Variants in CNTN4 observed in about 807,000 individuals in gnomAD.
CNTN4 encodes the protein contactin-4.
A neutral mutation model predicts 122.5 loss-of-function variants in CNTN4; 77 were observed. That is an observed-to-expected ratio of 0.63 (90% CI 0.52 to 0.76). CNTN4 has a LOEUF of 0.76. Among genes scored for constraint, CNTN4 ranks in the 30% least tolerant of loss-of-function variants. CNTN4 has a pLI of 0.00. For synonymous variants in CNTN4, 512 were observed against 447.0 expected (o/e 1.15, Z -1.83); for missense variants, 1,256 against 1,259.1 (o/e 1.00, Z 0.04).
intron 5 of CNTN4, among the ~76,000 whole-genome samples, chr3:2,738,663 T>C (rs2089282110): frequency 6.6e-6 from 1 of 152,122 alleles, no homozygotes; most frequent in Admixed American, 6.5e-5. Context: ...ATGACAACAT[T>C]AGAAACAAAT....
chr3:2,593,814 G>C (rs2080622294), intron 4 of CNTN4, among the ~76,000 whole-genome samples: 1 of 152,084 alleles, frequency 6.6e-6, no homozygotes, highest in African/African-American at 2.4e-5. Context: ...AAGAGAAGTG[G>C]AGGCTATGTC....
chr3:2,231,445 A>G (rs1174009626), intron 2 of CNTN4, among the ~76,000 whole-genome samples: 1 of 152,188 alleles, frequency 6.6e-6, no homozygotes, highest in Non-Finnish European at 1.5e-5. Flanking sequence ...TATATTTTTA[A>G]CCTAACTGGC....
At chr3:2,145,356 C>T (rs2035194630) in intron 2 of CNTN4, among the ~76,000 whole-genome samples, 2 of 152,188 alleles carry the variant, frequency 1.3e-5, no homozygotes, top group African/African-American at 4.8e-5. Context: ...GGTCATGTTG[C>T]AGGCCTAGCA....
intron 3 of CNTN4, among the ~76,000 whole-genome samples, chr3:2,360,013 A>G (rs1354869928): frequency 6.6e-6 from 1 of 152,206 alleles, no homozygotes; most frequent in African/African-American, 2.4e-5. Context: ...TAATCTACAG[A>G]CTTAGAAGGA....
At chr3:2,237,091 CTA>C (rs2039708716) in intron 2 of CNTN4, among the ~76,000 whole-genome samples, 1 of 152,010 alleles carries the variant, frequency 6.6e-6, no homozygotes, top group African/African-American at 2.4e-5. Context: ...GGCCTTTTCT[CTA>C]TGAGTAATGG....
chr3:2,814,343 G>A (rs938387820), intron 6 of CNTN4, among the ~76,000 whole-genome samples: 1 of 152,140 alleles, frequency 6.6e-6, no homozygotes, highest in Admixed American at 6.6e-5. Flanking sequence ...TATCTTTGGT[G>A]ACCAATTGCT....
chr3:2,989,809 A>G (rs1694900743), intron 14 of CNTN4, among the ~76,000 whole-genome samples: 1 of 152,204 alleles, frequency 6.6e-6, no homozygotes, highest in Non-Finnish European at 1.5e-5. Context: ...TTGCTAATGT[A>G]TGACTGTCTT....
chr3:2,738,817 G>C (rs938560151), intron 5 of CNTN4, among the ~76,000 whole-genome samples: 1 of 151,834 alleles, frequency 6.6e-6, no homozygotes, highest in Non-Finnish European at 1.5e-5. Flanking sequence ...AAAGCAGATG[G>C]GTTTACATAT....
intron 3 of CNTN4, among the ~76,000 whole-genome samples, chr3:2,358,094 A>C (rs1252528010): frequency 6.6e-6 from 1 of 152,178 alleles, no homozygotes; most frequent in Non-Finnish European, 1.5e-5. Context: ...AGTCAACTGC[A>C]GCAAAATCAT....
intron 12 of CNTN4, among the ~76,000 whole-genome samples, chr3:2,918,538 A>G (rs182620122): frequency 2.8e-4 from 43 of 152,208 alleles, no homozygotes; most frequent in African/African-American, 9.4e-4. Flanking sequence ...AGCTCATTCT[A>G]TGTATCTCTT....
chr3:2,152,301 A>G (rs1422923922), intron 2 of CNTN4, among the ~76,000 whole-genome samples: 2 of 152,182 alleles, frequency 1.3e-5, no homozygotes, highest in Admixed American at 6.5e-5. Flanking sequence ...GAGGCGGAGA[A>G]GAGGTTAGAG....
At chr3:2,568,071 G>A (rs375498571) in intron 3 of CNTN4, among the ~76,000 whole-genome samples, 2 of 152,128 alleles carry the variant, frequency 1.3e-5, no homozygotes, top group East Asian at 3.9e-4. Flanking sequence ...TGGTAAACAC[G>A]ATTACTTTTT....
At chr3:2,710,425 G>A (rs1431100280) in intron 4 of CNTN4, among the ~76,000 whole-genome samples, 1 of 152,170 alleles carries the variant, frequency 6.6e-6, no homozygotes, top group Non-Finnish European at 1.5e-5. Flanking sequence ...GCTGCACCCA[G>A]AATTTCTTGT....
intron 6 of CNTN4, among the ~76,000 whole-genome samples, chr3:2,782,587 C>T (rs1332627200): frequency 1.3e-5 from 2 of 148,214 alleles, no homozygotes; most frequent in East Asian, 4.2e-4. Flanking sequence ...AGCATAAGTC[C>T]CAGAACATTA....
chr3:2,946,034 G>A (rs2094674399), intron 13 of CNTN4, among the ~76,000 whole-genome samples: 1 of 152,168 alleles, frequency 6.6e-6, no homozygotes, highest in Non-Finnish European at 1.5e-5. Flanking sequence ...ATCTTTTCCT[G>A]TAGCTAATAT....
chr3:2,490,671 T>A (rs1341890120), intron 3 of CNTN4, among the ~76,000 whole-genome samples: 1 of 152,220 alleles, frequency 6.6e-6, no homozygotes, highest in Non-Finnish European at 1.5e-5. Context: ...ATATGTTGCA[T>A]TATAAGTAAT....
intron 3 of CNTN4, among the ~76,000 whole-genome samples, chr3:2,414,282 G>C (rs2047333934): frequency 6.6e-6 from 1 of 152,104 alleles, no homozygotes; most frequent in South Asian, 2.1e-4. Flanking sequence ...TAAATTTTAG[G>C]TATTAATTTG....
intron 3 of CNTN4, among the ~76,000 whole-genome samples, chr3:2,408,894 G>T (rs370260975): frequency 1.6e-4 from 24 of 152,122 alleles, no homozygotes; most frequent in African/African-American, 5.5e-4. Flanking sequence ...CTTACCTAAG[G>T]TCTCATAACT....
chr3:2,449,471 C>T (rs561507804), intron 3 of CNTN4, among the ~76,000 whole-genome samples: 8 of 151,982 alleles, frequency 5.3e-5, no homozygotes, highest in South Asian at 4.2e-4. Context: ...AAAAATTAGC[C>T]GGGCGTGGTG....
Sources: allele counts gnomAD v4.1 joint callset (sites outside exome capture counted in the v4.1 genomes callset), GRCh38; gene constraint gnomAD v4.1.1; transcripts MANE v1.5; gene names NCBI Gene and HGNC (gene_info 2026-07-23, HGNC 2026-07-21).